Variants in PRKCE observed in about 807,000 individuals in gnomAD.
PRKCE encodes protein kinase C epsilon type.
PRKCE carries 16 observed loss-of-function variants against 85.4 expected under a neutral mutation model. The ratio of observed to expected loss-of-function variants is 0.19; its 90% CI spans 0.13 to 0.28. PRKCE has a LOEUF of 0.28. Among genes scored for constraint, PRKCE ranks in the 10% least tolerant of loss-of-function variants. The pLI is 1.00. For missense variants in PRKCE, 573 were observed against 975.2 expected (o/e 0.59, Z 5.49); for synonymous variants, 388 against 371.5 (o/e 1.04, Z -0.51).
intron 2 of PRKCE, among the ~76,000 whole-genome samples, chr2:45,848,187 G>A (rs1475522885): frequency 6.6e-6 from 1 of 152,176 alleles, no homozygotes; most frequent in Non-Finnish European, 1.5e-5. Flanking sequence ...AGCCCCACTG[G>A]AGCTTCAATT....
At chr2:45,925,191 G>A (rs1157698563) in intron 2 of PRKCE, among the ~76,000 whole-genome samples, 2 of 152,150 alleles carry the variant, frequency 1.3e-5, no homozygotes, top group South Asian at 2.1e-4. Flanking sequence ...TCCAAGACTC[G>A]TACTAAGGGA....
intron 12 of PRKCE, among the ~76,000 whole-genome samples, chr2:46,146,108 C>A (rs868417848): frequency 6.6e-6 from 1 of 152,182 alleles, no homozygotes; most frequent in African/African-American, 2.4e-5. Context: ...GGTTGCCTTT[C>A]CTGAAAGTTG....
Position 46,062,668 on chromosome 2 carries a change from C to CTTTTTTTTTTTTTTTTT in PRKCE, c.1438-23531_1438-23515dup, listed in dbSNP as rs71394871. On this transcript the variant is annotated intron_variant, in intron 10 of 14. Transcript: ENST00000306156. ...GAGTTGAAGGGTATAAAAGCTCAGCCTTTTTTTTTTTTTTTTTTTTTTTTT... is the reference window on the plus strand; with the variant it reads ...GAGTTGAAGGGTATAAAAGCTCAGCCTTTTTTTTTTTTTTTTTTTTTTTTTTTTTTTTTTTTTTTTTT... Among the ~76,000 whole-genome samples, 4 of 73,260 alleles carry CTTTTTTTTTTTTTTTTT rather than the reference C, an allele frequency of 5.5e-5. 1 individual carries two copies. Among genetic ancestry groups the CTTTTTTTTTTTTTTTTT allele is most frequent in the Non-Finnish European group, 7.0e-5 (3 of 42,694 alleles). The allele number at this position is 73,260 out of a possible 152,430, so 48.1% of individuals were successfully genotyped here. A position where few individuals can be genotyped will look rare whatever the true frequency, so the allele number is the denominator to read the frequency against.
At chr2:45,882,709 C>T (rs547326073) in intron 2 of PRKCE, among the ~76,000 whole-genome samples, 4 of 152,212 alleles carry the variant, frequency 2.6e-5, no homozygotes, top group East Asian at 1.9e-4. Flanking sequence ...AAGAGAAAGA[C>T]GGAGAAGACA....
intron 2 of PRKCE, among the ~76,000 whole-genome samples, chr2:45,866,812 T>C (rs1040217023): frequency 6.6e-6 from 1 of 152,232 alleles, no homozygotes; most frequent in African/African-American, 2.4e-5. Context: ...ACAGTGCAGA[T>C]CTAGCACATT....
At chr2:45,736,378 G>T (rs1682062269) in intron 1 of PRKCE, among the ~76,000 whole-genome samples, 1 of 152,190 alleles carries the variant, frequency 6.6e-6, no homozygotes, top group South Asian at 2.1e-4. Flanking sequence ...AGGCTGCTCT[G>T]GGTGAGAGCA....
intron 1 of PRKCE, among the ~76,000 whole-genome samples, chr2:45,800,326 A>G (rs187791113): frequency 6.6e-6 from 1 of 152,140 alleles, no homozygotes; most frequent in East Asian, 1.9e-4. Flanking sequence ...GGGGAGTCAC[A>G]CTGCCCAGGC....
At chr2:46,165,351 CT>C (rs775603620) in intron 14 of PRKCE, among the ~76,000 whole-genome samples, 70 of 152,342 alleles carry the variant, frequency 4.6e-4, no homozygotes, top group Non-Finnish European at 7.1e-4. Flanking sequence ...AAACCAAAGA[CT>C]TTGCACCATC....
chr2:46,087,129 T>G (rs1387468405), intron 11 of PRKCE, among the ~76,000 whole-genome samples: 1 of 149,622 alleles, frequency 6.7e-6, no homozygotes, highest in Non-Finnish European at 1.5e-5. Flanking sequence ...TGCTTCTTCT[T>G]TTTTTATTTT....
intron 6 of PRKCE, among the ~76,000 whole-genome samples, chr2:45,987,021 C>G (rs1402270148): frequency 1.5e-5 from 2 of 133,060 alleles, no homozygotes; most frequent in Non-Finnish European, 3.2e-5. Flanking sequence ...CCCTGATGAG[C>G]TGATGTCTGT....
chr2:46,126,036 C>T (rs555672694), intron 11 of PRKCE, among the ~76,000 whole-genome samples: 11 of 152,316 alleles, frequency 7.2e-5, no homozygotes, highest in South Asian at 2.1e-4. Context: ...CAGTTCTTGC[C>T]GAGTGGGCTC....
chr2:45,652,717 G>A lies in PRKCE; in HGVS notation c.348+269G>A, dbSNP rs1392807182. On this transcript the variant is annotated intron_variant, in intron 1 of 14. Transcript: ENST00000306156. This position sits in a 1 kb window ranked among gnomAD's most constrained non-coding sequence, Gnocchi z 7.7. ...GGTGCTGCGGGAGGTTTGCAAACTG[G>A]GAGAGCCTGGGCCACTGGTGCTGAA... Among the ~76,000 whole-genome samples the A allele has an allele frequency of 6.6e-6, 1 of 152,192 alleles. No homozygotes were observed. Among genetic ancestry groups the A allele is most frequent in the Non-Finnish European group, 1.5e-5 (1 of 68,042 alleles).
chr2:45,765,267 C>T (rs1476487326), intron 1 of PRKCE, among the ~76,000 whole-genome samples: 1 of 152,098 alleles, frequency 6.6e-6, no homozygotes, highest in Non-Finnish European at 1.5e-5. Context: ...ATGAGTAAGC[C>T]TGGAGAATAA....
intron 11 of PRKCE, among the ~76,000 whole-genome samples, chr2:46,087,185 A>G (rs1434395481): frequency 2.0e-5 from 3 of 147,250 alleles, no homozygotes; most frequent in East Asian, 2.0e-4. Context: ...TGGGTAGAGG[A>G]GTAGCTGGCT....
At chr2:45,823,277 T>C (rs1434101176) in intron 1 of PRKCE, among the ~76,000 whole-genome samples, 1 of 152,244 alleles carries the variant, frequency 6.6e-6, no homozygotes, top group Non-Finnish European at 1.5e-5. Context: ...ACGACACACC[T>C]GGATCTATGA....
chr2:45,734,115 CCAGCA>C (rs1317079077), intron 1 of PRKCE, among the ~76,000 whole-genome samples: 1 of 152,128 alleles, frequency 6.6e-6, no homozygotes, highest in East Asian at 1.9e-4. Flanking sequence ...GCCTGTAATC[CCAGCA>C]CTTTGGGAGT....
At chr2:45,767,273 CT>C (rs1684986290) in intron 1 of PRKCE, among the ~76,000 whole-genome samples, 1 of 151,028 alleles carries the variant, frequency 6.6e-6, no homozygotes, top group Non-Finnish European at 1.5e-5. Flanking sequence ...TTCTTTGAAA[CT>C]TTTTAAAAAA....
intron 11 of PRKCE, among the ~76,000 whole-genome samples, chr2:46,128,103 C>G (rs912794725): frequency 1.3e-5 from 2 of 152,220 alleles, no homozygotes; most frequent in African/African-American, 4.8e-5. Context: ...GTTACAATTC[C>G]TGGACAAATT....
intron 10 of PRKCE, among the ~76,000 whole-genome samples, chr2:46,033,955 T>C (rs892781988): frequency 3.3e-5 from 5 of 152,208 alleles, no homozygotes; most frequent in Non-Finnish European, 2.9e-5. Context: ...GATTTCAGTC[T>C]GAAAGCCTAT....
Sources: allele counts gnomAD v4.1 joint callset (sites outside exome capture counted in the v4.1 genomes callset), GRCh38; gene constraint gnomAD v4.1.1; non-coding constraint Gnocchi (gnomAD v3.1); transcripts MANE v1.5; gene names NCBI Gene and HGNC (gene_info 2026-07-23, HGNC 2026-07-21).